UBAC2: variants seen among roughly 807,000 people sequenced by gnomAD.
The protein encoded by UBAC2 is ubiquitin-associated domain-containing protein 2.
In UBAC2, 26 loss-of-function variants were observed where a neutral mutation model predicts 44.0. The observed-to-expected ratio is 0.59, with a 90% CI of 0.43 to 0.82. The LOEUF is 0.82. Among genes scored for constraint, UBAC2 ranks in the 40% least tolerant of loss-of-function variants. The pLI is 0.00. For missense variants in UBAC2, 329 were observed against 419.4 expected (o/e 0.78, Z 1.88); for synonymous variants, 155 against 154.3 (o/e 1.00, Z -0.04).
chr13:99,215,250 A>G, intron 1 of UBAC2: 4 of 654,060 alleles, frequency 6.1e-6, no homozygotes, highest in Middle Eastern at 2.6e-4. Flanking sequence ...CAACTTGCCC[A>G]AATAGAATTA....
At chr13:99,347,460 G>A (rs1189210784) in intron 7 of UBAC2, among the ~76,000 whole-genome samples, 3 of 152,070 alleles carry the variant, frequency 2.0e-5, no homozygotes, top group South Asian at 2.1e-4. Flanking sequence ...GCTGGAAGTG[G>A]GGGAAGGTCA....
intron 4 of UBAC2, among the ~76,000 whole-genome samples, chr13:99,266,698 T>C (rs1167320957): frequency 6.6e-6 from 1 of 152,200 alleles, no homozygotes; most frequent in African/African-American, 2.4e-5. Context: ...TATATATATA[T>C]GTATTAGACA....
chr13:99,367,837 A>C lies in UBAC2; in HGVS notation c.858A>C (p.Gln286His). 1 of 1,613,988 alleles carries C rather than the reference A, an allele frequency of 6.2e-7. No homozygotes were observed. Among genetic ancestry groups the C allele is most frequent in the Non-Finnish European group, 8.5e-7 (1 of 1,179,860 alleles). ...NRLFPPLRQR[Q>H]NVNYQGGRQS... Reference sequence around the variant, plus strand: ...TTTTTCCTCCTTTACGTCAGCGACAAAACGTAAACTATCAGGGCGGTCGGC... The same window carrying C: ...TTTTTCCTCCTTTACGTCAGCGACACAACGTAAACTATCAGGGCGGTCGGC... The change falls in exon 8 of 9, where the codon CAA (glutamine) becomes CAC (histidine). Residue 286 changes from glutamine to histidine, a missense_variant. Physicochemically the swap from Gln to His is conservative, Grantham distance 24. Coordinates refer to ENST00000403766, the MANE Select transcript of UBAC2 (RefSeq NM_001144072.2).
At chr13:99,279,300 A>C (rs900149421) in intron 4 of UBAC2, among the ~76,000 whole-genome samples, 1 of 152,182 alleles carries the variant, frequency 6.6e-6, no homozygotes, top group East Asian at 1.9e-4. Context: ...TGACTAATAA[A>C]AAGTTGATCA....
chr13:99,266,010 C>T lies in UBAC2; in HGVS notation c.389+21386C>T, dbSNP rs990773857. 5.9e-5 allele frequency among the ~76,000 whole-genome samples: 9 copies of T among 152,166 alleles called. No individual in the cohort carries two copies. In the South Asian group the frequency reaches 8.3e-4, roughly 14 times the overall value. Reference sequence around the variant, plus strand: ...ATGTATGGTCTCCGGTTTTCCATACCGATTGATAGTTCAGGGCTGCTTTGA... The same window carrying T: ...ATGTATGGTCTCCGGTTTTCCATACTGATTGATAGTTCAGGGCTGCTTTGA... On this transcript the variant is annotated intron_variant, in intron 4 of 8. Coordinates refer to ENST00000403766, the MANE Select transcript of UBAC2 (RefSeq NM_001144072.2).
chr13:99,346,265 C>T (rs573291040), intron 7 of UBAC2, among the ~76,000 whole-genome samples: 5 of 152,336 alleles, frequency 3.3e-5, no homozygotes, highest in South Asian at 2.1e-4. Context: ...AGGCCACCGG[C>T]GCCATTTGCC....
At chr13:99,201,312 G>C in intron 1 of UBAC2, 1 of 1,493,648 alleles carries the variant, frequency 6.7e-7, no homozygotes, top group Non-Finnish European at 8.9e-7. Context: ...CCCTTACCAT[G>C]CCCCATTCTT....
At chr13:99,280,111 T>A (rs1430658574) in intron 4 of UBAC2, among the ~76,000 whole-genome samples, 4 of 152,224 alleles carry the variant, frequency 2.6e-5, no homozygotes, top group Non-Finnish European at 4.4e-5. Context: ...AATGCCATCA[T>A]CTGCACTGCC....
At chr13:99,354,899 C>CGGG (rs2045153554) in intron 7 of UBAC2, among the ~76,000 whole-genome samples, 2 of 151,958 alleles carry the variant, frequency 1.3e-5, no homozygotes, top group South Asian at 4.2e-4. Flanking sequence ...GGCAGATCCT[C>CGGG]TCCCAGGGGA....
intron 2 of UBAC2, among the ~76,000 whole-genome samples, chr13:99,240,558 A>G (rs889395253): frequency 3.3e-5 from 5 of 152,132 alleles, no homozygotes; most frequent in African/African-American, 9.7e-5. Context: ...TGGTTTTTGA[A>G]TCTGGTGTTC....
intron 6 of UBAC2, among the ~76,000 whole-genome samples, chr13:99,332,881 T>C (rs1407484770): frequency 2.0e-5 from 3 of 152,148 alleles, no homozygotes; most frequent in Non-Finnish European, 4.4e-5. Context: ...CATATGGTCT[T>C]TTTCTAAAGC....
At chr13:99,251,054 T>C (rs940499858) in intron 4 of UBAC2, among the ~76,000 whole-genome samples, 1 of 152,144 alleles carries the variant, frequency 6.6e-6, no homozygotes, top group African/African-American at 2.4e-5. Context: ...AGCCTGGCCA[T>C]CTTTGATTTT....
intron 6 of UBAC2, among the ~76,000 whole-genome samples, chr13:99,330,769 G>A (rs1308857897): frequency 1.3e-5 from 2 of 152,110 alleles, no homozygotes; most frequent in African/African-American, 4.8e-5. Context: ...TCACCATTGA[G>A]GCTGTATCTA....
At chr13:99,358,597 C>A (rs1301026357) in intron 7 of UBAC2, among the ~76,000 whole-genome samples, 3 of 152,118 alleles carry the variant, frequency 2.0e-5, no homozygotes, top group Non-Finnish European at 4.4e-5. Flanking sequence ...AATAAAAGGG[C>A]AATGAGGAGC....
chr13:99,352,364 C>G lies in UBAC2; in HGVS notation c.807+11799C>G, dbSNP rs533557960. On this transcript the variant is annotated intron_variant, in intron 7 of 8. Transcript: ENST00000403766. ...CCATCCGCCCTGTCCTAGGCAGCCA[C>G]TTAATCTACTTTCTGTCTCTGTAGA... Among the ~76,000 whole-genome samples, 3 of 152,360 alleles carry G rather than the reference C, an allele frequency of 2.0e-5. No homozygotes were observed. In the South Asian group the frequency reaches 6.2e-4, roughly 32 times the overall value.
intron 1 of UBAC2, among the ~76,000 whole-genome samples, chr13:99,232,148 A>G (rs918150569): frequency 1.3e-5 from 2 of 152,132 alleles, no homozygotes; most frequent in East Asian, 1.9e-4. Context: ...GTGTGTATCT[A>G]TGGGAGTGGG....
In UBAC2 at chr13:99,255,802, G is replaced by C. The variant is rs764658155; in HGVS notation, c.389+11178G>C. On this transcript the variant is annotated intron_variant, in intron 4 of 8. Coordinates refer to ENST00000403766, the MANE Select transcript of UBAC2 (RefSeq NM_001144072.2). ...GATACAGCTATAGAAGACAAGGGCT[G>C]CAATTTTGTATTCATCTGGATGTGA... is the stretch of plus-strand genomic sequence containing the variant. The C allele has an allele frequency of 1.9e-6, 3 of 1,611,396 alleles. No homozygotes were observed. In the South Asian group the frequency reaches 3.3e-5, roughly 18 times the overall value.
chr13:99,283,545 C>T lies in UBAC2; in HGVS notation c.390-30552C>T, dbSNP rs138958242. Among the ~76,000 whole-genome samples the T allele has an allele frequency of 2.9e-4, 44 of 151,956 alleles. No homozygotes were observed. In the East Asian group the frequency reaches 6.6e-3, roughly 23 times the overall value. On this transcript the variant is annotated intron_variant, in intron 4 of 8. Transcript: ENST00000403766. ...ATAGCCAGATTTAAATGAATAGCCACAAGCAGACTTGCAAGAGTAGATGTT... is the reference window on the plus strand; with the variant it reads ...ATAGCCAGATTTAAATGAATAGCCATAAGCAGACTTGCAAGAGTAGATGTT...
Position 99,281,848 on chromosome 13 carries a change from C to CT in UBAC2, c.390-32245dup, listed in dbSNP as rs544900250. Among the ~76,000 whole-genome samples, 516 of 152,266 alleles carry CT rather than the reference C, an allele frequency of 3.4e-3. 3 individuals carry two copies. The highest frequency in any genetic ancestry group is 0.012 in the African/African-American group (494 of 41,560). Reference sequence around the variant, plus strand: ...GGCTAATTGTGAAAGGAGACTCAGGCTTTTAACACTGCAGGAATTTCAAAC... The same window carrying CT: ...GGCTAATTGTGAAAGGAGACTCAGGCTTTTTAACACTGCAGGAATTTCAAAC... On this transcript the variant is annotated intron_variant, in intron 4 of 8. Coordinates refer to ENST00000403766, the MANE Select transcript of UBAC2 (RefSeq NM_001144072.2).
Sources: allele counts gnomAD v4.1 joint callset (sites outside exome capture counted in the v4.1 genomes callset), GRCh38; gene constraint gnomAD v4.1.1; transcripts MANE v1.5; gene names NCBI Gene and HGNC (gene_info 2026-07-23, HGNC 2026-07-21).